The following RNF111 variants were observed in gnomAD, a reference collection of about 807,000 sequenced individuals.
The protein encoded by RNF111 is E3 ubiquitin-protein ligase Arkadia.
RNF111 carries 17 observed loss-of-function variants against 95.1 expected under a neutral mutation model. The ratio of observed to expected loss-of-function variants is 0.18; its 90% CI spans 0.12 to 0.27. RNF111 has a LOEUF of 0.27. Ranked by LOEUF, RNF111 falls within the 10% of genes least tolerant of loss-of-function variation. The pLI is 1.00. For synonymous variants in RNF111, 440 were observed against 414.8 expected, an observed-to-expected ratio of 1.06 and a Z score of -0.74; for missense variants, 1,189 against 1,210.4, an observed-to-expected ratio of 0.98 and a Z score of 0.26.
Position 58,992,959 on chromosome 15 carries a change from A to G in RNF111, c.-20+4891A>G, listed in dbSNP as rs185456803. On this transcript the variant is annotated intron_variant, in intron 1 of 13. Coordinates refer to ENST00000348370, the MANE Select transcript of RNF111 (RefSeq NM_017610.8). Reference sequence around the variant, plus strand: ...TGAGGCAGGCGGATCACCTGAGGTCAGGAGTTTGAGACCAGCCTGCCCAAC... The same window carrying G: ...TGAGGCAGGCGGATCACCTGAGGTCGGGAGTTTGAGACCAGCCTGCCCAAC... 8.7e-3 allele frequency among the ~76,000 whole-genome samples: 1,332 copies of G among 152,352 alleles called. 15 individuals carry two copies. Among genetic ancestry groups the G allele is most frequent in the African/African-American group, 0.031 (1,276 of 41,572 alleles).
intron 2 of RNF111, among the ~76,000 whole-genome samples, chr15:59,032,141 G>A (rs1440569747): frequency 6.6e-6 from 1 of 152,094 alleles, no homozygotes; most frequent in Non-Finnish European, 1.5e-5. Flanking sequence ...GTTTCACTAT[G>A]TTGAACAGGC....
intron 2 of RNF111, among the ~76,000 whole-genome samples, chr15:59,049,094 A>C (rs545428035): frequency 9.9e-5 from 15 of 152,242 alleles, no homozygotes; most frequent in South Asian, 8.3e-4. Flanking sequence ...CACACACACA[A>C]AAAAGTATAT....
At chr15:59,042,494 T>C (rs147166357) in intron 2 of RNF111, among the ~76,000 whole-genome samples, 1 of 152,294 alleles carries the variant, frequency 6.6e-6, no homozygotes, top group African/African-American at 2.4e-5. Context: ...GAATCATAAT[T>C]AGGAATACTT....
chr15:59,062,051 CTTTTTT>C (rs71119429), intron 5 of RNF111, among the ~76,000 whole-genome samples: 1 of 122,278 alleles, frequency 8.2e-6, no homozygotes, highest in African/African-American at 3.1e-5. Flanking sequence ...TTTTAAACTT[CTTTTTT>C]TTTTTTTTTT....
chr15:59,084,119 G>A lies in RNF111; in HGVS notation c.2298-10G>A. 1 of 1,574,434 alleles carries A rather than the reference G, an allele frequency of 6.4e-7. No homozygotes were observed. Among genetic ancestry groups the A allele is most frequent in the South Asian group, 1.2e-5 (1 of 82,710 alleles). Reference sequence around the variant, plus strand: ...ATTTCCAGTGGTCTTTTTGTGTTCTGTGTTTCCAGGCGGGCACATGAACGC... The same window carrying A: ...ATTTCCAGTGGTCTTTTTGTGTTCTATGTTTCCAGGCGGGCACATGAACGC... On this transcript the variant is annotated splice_polypyrimidine_tract_variant and intron_variant, in intron 8 of 13. Coordinates refer to ENST00000348370, the MANE Select transcript of RNF111 (RefSeq NM_017610.8).
chr15:59,088,575 A>G (rs536797022), intron 10 of RNF111, among the ~76,000 whole-genome samples: 2 of 152,314 alleles, frequency 1.3e-5, no homozygotes, highest in East Asian at 1.9e-4. Flanking sequence ...AAGTAATGTC[A>G]GAGATTTATT....
chr15:59,012,012 T>G (rs1404027651), intron 1 of RNF111, among the ~76,000 whole-genome samples: 7 of 108,330 alleles, frequency 6.5e-5, no homozygotes, highest in Admixed American at 2.8e-4. Context: ...CCTTTTTTTT[T>G]TTTTTTTTTT....
chr15:59,008,844 GTCTT>G (rs1289707983), intron 1 of RNF111, among the ~76,000 whole-genome samples: 1 of 152,120 alleles, frequency 6.6e-6, no homozygotes, highest in Middle Eastern at 3.2e-3. Flanking sequence ...CTTTGTCACA[GTCTT>G]TCTTCAAGGA....
chr15:59,064,535 C>CA (rs35804813), intron 5 of RNF111, among the ~76,000 whole-genome samples: 8,612 of 76,432 alleles, frequency 0.11, 1,110 homozygotes, highest in African/African-American at 0.29. Context: ...GACTTTGTCG[C>CA]AAAAAAAAAA....
intron 1 of RNF111, among the ~76,000 whole-genome samples, chr15:59,017,978 C>T (rs188062002): frequency 4.6e-5 from 7 of 152,032 alleles, no homozygotes; most frequent in East Asian, 1.9e-4. Flanking sequence ...AGGCTGGTCT[C>T]GAACTCCTGA....
chr15:59,006,367 ACAT>A (rs1200394923), intron 1 of RNF111, among the ~76,000 whole-genome samples: 1 of 152,214 alleles, frequency 6.6e-6, no homozygotes, highest in Non-Finnish European at 1.5e-5. Flanking sequence ...TCAGCCACCC[ACAT>A]CTCCTGCCTC....
intron 1 of RNF111, among the ~76,000 whole-genome samples, chr15:59,006,712 C>T (rs1427214423): frequency 6.6e-6 from 1 of 152,190 alleles, no homozygotes; most frequent in Non-Finnish European, 1.5e-5. Context: ...AATAAAGTTA[C>T]AGACGCCAGT....
chr15:58,993,027 G>C (rs138023730), intron 1 of RNF111, among the ~76,000 whole-genome samples: 1 of 150,618 alleles, frequency 6.6e-6, no homozygotes, highest in South Asian at 2.1e-4. Context: ...AAAAGTAGCC[G>C]GGCATGGTGG....
At chr15:59,085,619 G>A in intron 9 of RNF111, 40 bp from the exon 10 acceptor site, 1 of 1,545,384 alleles carries the variant, frequency 6.5e-7, no homozygotes, top group Non-Finnish European at 8.7e-7. Context: ...ATAAAAAAGA[G>A]ACCCTAAGGA....
Position 59,081,105 on chromosome 15 carries a change from A to G in RNF111, c.2118A>G (p.Ala706=). Residue 706 remains alanine, a synonymous_variant, in exon 8 of 14, where the codon GCA becomes GCG. Coordinates refer to ENST00000348370, the MANE Select transcript of RNF111 (RefSeq NM_017610.8). ...ISSHATSHPV[A]PPPPTHLAST... ...CTCATGCAACATCTCATCCTGTGGCACCCCCACCACCAACTCACTTAGCCA... is the reference window on the plus strand; with the variant it reads ...CTCATGCAACATCTCATCCTGTGGCGCCCCCACCACCAACTCACTTAGCCA... 1 of 1,613,824 alleles carries G rather than the reference A, an allele frequency of 6.2e-7. No individual in the cohort carries two copies. The highest frequency in any genetic ancestry group is 8.5e-7 in the Non-Finnish European group (1 of 1,179,970).
At chr15:58,994,858 G>A (rs1258140388) in intron 1 of RNF111, among the ~76,000 whole-genome samples, 1 of 152,126 alleles carries the variant, frequency 6.6e-6, no homozygotes, top group African/African-American at 2.4e-5. Flanking sequence ...AATATTCACT[G>A]TGTATTGTAT....
At chr15:59,053,660 C>G (rs1259947226) in intron 3 of RNF111, among the ~76,000 whole-genome samples, 5 of 152,166 alleles carry the variant, frequency 3.3e-5, no homozygotes, top group African/African-American at 1.2e-4. Context: ...TGTACCACAC[C>G]TATCCTCTGA....
intron 6 of RNF111, among the ~76,000 whole-genome samples, chr15:59,069,903 T>G (rs1417762928): frequency 1.3e-5 from 2 of 151,862 alleles, no homozygotes; most frequent in African/African-American, 4.8e-5. Context: ...AAAATTAGAC[T>G]GGCATACCGA....
intron 4 of RNF111, among the ~76,000 whole-genome samples, chr15:59,056,385 A>C (rs1431296614): frequency 6.6e-6 from 1 of 152,228 alleles, no homozygotes; most frequent in African/African-American, 2.4e-5. Context: ...AGGTTAGGAA[A>C]AGTGGTAGAA....
Sources: allele counts gnomAD v4.1 joint callset (sites outside exome capture counted in the v4.1 genomes callset), GRCh38; gene constraint gnomAD v4.1.1; transcripts MANE v1.5; gene names NCBI Gene and HGNC (gene_info 2026-07-23, HGNC 2026-07-21).